The following MCC variants were observed in gnomAD, a reference collection of about 807,000 sequenced individuals.
The protein encoded by MCC is colorectal mutant cancer protein.
Under a neutral mutation model 116.2 loss-of-function variants are expected in MCC, and 90 were observed. The ratio of observed to expected loss-of-function variants is 0.77; its 90% CI spans 0.65 to 0.92. MCC has a LOEUF of 0.92. MCC is among the 40% of genes least tolerant of loss of function. MCC has a pLI of 0.00. For synonymous variants in MCC, 578 were observed against 510.5 expected (o/e 1.13, Z -1.78); for missense variants, 1,516 against 1,312.2 (o/e 1.16, Z -2.40).
intron 5 of MCC, among the ~76,000 whole-genome samples, chr5:113,130,497 A>C (rs1257793488): frequency 6.6e-6 from 1 of 152,130 alleles, no homozygotes; most frequent in African/African-American, 2.4e-5. Flanking sequence ...AAAAAAAGGC[A>C]ATATACCTTC....
At chr5:113,265,813 T>A (rs77221762) in intron 3 of MCC, among the ~76,000 whole-genome samples, 2 of 152,030 alleles carry the variant, frequency 1.3e-5, no homozygotes, top group South Asian at 4.2e-4. Flanking sequence ...AGGAGTAGAA[T>A]CATACCCCGT....
chr5:113,104,968 T>C (rs925088270), intron 6 of MCC, among the ~76,000 whole-genome samples: 1 of 152,220 alleles, frequency 6.6e-6, no homozygotes, highest in Admixed American at 6.5e-5. Context: ...TTCTAATAAT[T>C]TGATTTTGAC....
Position 113,433,610 on chromosome 5 carries a change from GAGA to G in MCC, c.171-48401_171-48399del, listed in dbSNP as rs372552948. The G allele has an allele frequency of 1.3e-4, 155 of 1,224,880 alleles. 7 individuals are homozygous for G. The highest frequency in any genetic ancestry group is 6.3e-4 in the African/African-American group (41 of 65,516). The allele number at this position is 1,224,880 out of a possible 1,614,324, so 75.9% of individuals were successfully genotyped here. On this transcript the variant is annotated intron_variant, in intron 1 of 18. Transcript: ENST00000408903. ...GTGGGTTACCAAGTTCAAGGGGAGA[GAGA>G]AGAAGCTGATGAAAATAGAGGCTCA...
chr5:113,200,077 T>G (rs895874251), intron 3 of MCC, among the ~76,000 whole-genome samples: 7 of 152,054 alleles, frequency 4.6e-5, no homozygotes, highest in Admixed American at 3.3e-4. Flanking sequence ...TTGCCATGGA[T>G]GAAGTGACAA....
intron 5 of MCC, among the ~76,000 whole-genome samples, chr5:113,132,849 T>A (rs564791714): frequency 5.3e-5 from 8 of 152,306 alleles, no homozygotes; most frequent in Non-Finnish European, 1.0e-4. Flanking sequence ...GTAGAGTAAC[T>A]CCCTTCTTTG....
At chr5:113,142,649 C>A (rs1016820284) in intron 5 of MCC, among the ~76,000 whole-genome samples, 1 of 147,136 alleles carries the variant, frequency 6.8e-6, no homozygotes. Flanking sequence ...TGGGTCAAAT[C>A]TTTCCCCCTG....
chr5:113,085,309 A>C lies in MCC; in HGVS notation c.1400T>G (p.Val467Gly). Residue 467 changes from valine to glycine, a missense_variant and splice_region_variant, in exon 9 of 19, where the codon GTC becomes GGC. Physicochemically the swap from Val to Gly is moderately radical, Grantham distance 109 (BLOSUM62 -3). Transcript: ENST00000408903. ...REERDRLRRR[V>G]RELQTRLQSV... ...CTGTAGTCGAGTTTGAAGCTCTCTG[A>C]CCTGAAATCATAATGCTTTTAGACA... 1 of 1,608,318 alleles carries C rather than the reference A, an allele frequency of 6.2e-7. No individual in the cohort carries two copies. The highest frequency in any genetic ancestry group is 8.5e-7 in the Non-Finnish European group (1 of 1,176,074).
intron 3 of MCC, among the ~76,000 whole-genome samples, chr5:113,195,829 T>C (rs982873412): frequency 1.3e-5 from 2 of 152,156 alleles, no homozygotes; most frequent in African/African-American, 4.8e-5. Context: ...AATACCACCA[T>C]CTGGCTTTCA....
At chr5:113,137,162 G>C (rs1758887523) in intron 5 of MCC, among the ~76,000 whole-genome samples, 1 of 152,184 alleles carries the variant, frequency 6.6e-6, no homozygotes, top group Non-Finnish European at 1.5e-5. Flanking sequence ...GGAAGGGGAA[G>C]CAGGCACCTT....
At chr5:113,096,121 T>A (rs7729055) in intron 8 of MCC, among the ~76,000 whole-genome samples, 1 of 152,164 alleles carries the variant, frequency 6.6e-6, no homozygotes, top group African/African-American at 2.4e-5. Flanking sequence ...CCCTAGCAGA[T>A]GCCGGGCTTA....
intron 3 of MCC, among the ~76,000 whole-genome samples, chr5:113,187,312 T>C (rs1561439462): frequency 6.6e-6 from 1 of 152,198 alleles, no homozygotes; most frequent in South Asian, 2.1e-4. Flanking sequence ...TTTTGCCATG[T>C]TGGCCAGGCT....
chr5:113,225,571 C>T (rs1454990249), intron 3 of MCC, among the ~76,000 whole-genome samples: 1 of 152,196 alleles, frequency 6.6e-6, no homozygotes. Context: ...ACAGCCTGAA[C>T]TTAAAGAGTA....
At chr5:113,438,602 T>C (rs1257354625) in intron 1 of MCC, among the ~76,000 whole-genome samples, 1 of 152,178 alleles carries the variant, frequency 6.6e-6, no homozygotes, top group African/African-American at 2.4e-5. Flanking sequence ...AGCAGAGGCA[T>C]TCTACTCCAT....
intron 3 of MCC, chr5:113,294,567 G>A (rs1234243413): frequency 1.6e-5 from 20 of 1,286,720 alleles, no homozygotes; most frequent in Non-Finnish European, 1.9e-5. Context: ...AAGAGCAGCC[G>A]TGGCTCGCGT....
chr5:113,284,985 C>A (rs10075899), intron 3 of MCC, among the ~76,000 whole-genome samples: 1,630 of 152,258 alleles, frequency 0.011, 31 homozygotes, highest in African/African-American at 0.036. Flanking sequence ...CAATACTGAA[C>A]CATCAATCAA....
chr5:113,143,659 G>C (rs1416973802), intron 4 of MCC, among the ~76,000 whole-genome samples: 2 of 152,140 alleles, frequency 1.3e-5, no homozygotes, highest in East Asian at 3.9e-4. Context: ...CTTTCCCGTA[G>C]CCAAGAAACA....
chr5:113,358,670 G>A (rs774712146), intron 2 of MCC, among the ~76,000 whole-genome samples: 13 of 152,134 alleles, frequency 8.5e-5, no homozygotes, highest in Non-Finnish European at 1.6e-4. Context: ...CTACCTTTAT[G>A]AATTTAAAGC....
At chr5:113,442,116 C>A (rs1270957595) in intron 1 of MCC, among the ~76,000 whole-genome samples, 1 of 152,154 alleles carries the variant, frequency 6.6e-6, no homozygotes, top group African/African-American at 2.4e-5. Flanking sequence ...ACACTCCCAT[C>A]AGCAGTGTAA....
At chr5:113,339,518 C>T (rs1330308444) in intron 3 of MCC, among the ~76,000 whole-genome samples, 4 of 151,282 alleles carry the variant, frequency 2.6e-5, no homozygotes, top group Admixed American at 6.6e-5. Context: ...ATTTAGTTGT[C>T]GTATTTTCTT....
Sources: gnomAD v4.1 joint callset for allele counts (sites outside exome capture counted in the v4.1 genomes callset) on GRCh38, gnomAD v4.1.1 for gene constraint, MANE v1.5 for transcripts, NCBI Gene and HGNC (gene_info 2026-07-23, HGNC 2026-07-21) for gene names.